Variants in MYO1D observed in about 807,000 individuals in gnomAD.
The protein encoded by MYO1D is myosin ID, also known as unconventional myosin-Id.
In MYO1D, 83 loss-of-function variants were observed where a neutral mutation model predicts 122.0. That is an observed-to-expected ratio of 0.68 (90% CI 0.57 to 0.82). The LOEUF (loss-of-function observed/expected upper bound fraction) is 0.82. Ranked by LOEUF, MYO1D falls within the 40% of genes least tolerant of loss-of-function variation. The probability of loss-of-function intolerance (pLI) is 0.00; values close to 1 mark genes in which losing one functional copy is unlikely to be tolerated. For missense variants in MYO1D, 1,157 were observed against 1,269.5 expected, an observed-to-expected ratio of 0.91 and a Z score of 1.35; for synonymous variants, 464 against 446.9, an observed-to-expected ratio of 1.04 and a Z score of -0.48.
At chr17:32,620,218 C>A (rs1206130993) in intron 20 of MYO1D, among the ~76,000 whole-genome samples, 1 of 152,166 alleles carries the variant, frequency 6.6e-6, no homozygotes, top group East Asian at 1.9e-4. Context: ...TACCCCTAGG[C>A]TGGCTCCCCA....
intron 1 of MYO1D, among the ~76,000 whole-genome samples, chr17:32,861,669 C>G (rs549660297): frequency 6.6e-6 from 1 of 152,186 alleles, no homozygotes; most frequent in African/African-American, 2.4e-5. Flanking sequence ...CCCACTCTGC[C>G]CAAAGACTCT....
At chr17:32,696,610 C>T (rs189679951) in intron 16 of MYO1D, among the ~76,000 whole-genome samples, 2 of 152,248 alleles carry the variant, frequency 1.3e-5, no homozygotes, top group Non-Finnish European at 1.5e-5. Context: ...TATTTATATA[C>T]CTGTTATAAA....
At chr17:32,705,780 AG>A (rs2150983213) in intron 16 of MYO1D, among the ~76,000 whole-genome samples, 1 of 152,278 alleles carries the variant, frequency 6.6e-6, no homozygotes, top group Admixed American at 6.5e-5. Flanking sequence ...ATGTTGTGGG[AG>A]GGACCCAAGT....
Position 32,494,741 on chromosome 17 carries a change from C to A in MYO1D, c.*18G>T, listed in dbSNP as rs181426574. 174 of 1,578,630 alleles carry A rather than the reference C, an allele frequency of 1.1e-4. No homozygotes were observed. The East Asian group carries it at 4.0e-3, about 36-fold the overall frequency. On this transcript the variant is annotated 3_prime_UTR_variant, in exon 22 of 22. Coordinates refer to ENST00000318217, the MANE Select transcript of MYO1D (RefSeq NM_015194.3). ...ACTCGGAGTGTGGCCGGGCTCCGGG[C>A]CAGGCCTCCGCGGGGCGTCAGTTCC...
chr17:32,835,444 TAC>T (rs2090813464), intron 1 of MYO1D, among the ~76,000 whole-genome samples: 1 of 152,212 alleles, frequency 6.6e-6, no homozygotes, highest in South Asian at 2.1e-4. Flanking sequence ...TATTTTCGGA[TAC>T]TCTATGCTTA....
intron 1 of MYO1D, among the ~76,000 whole-genome samples, chr17:32,831,050 C>T (rs776762548): frequency 2.6e-5 from 4 of 151,952 alleles, no homozygotes; most frequent in South Asian, 2.1e-4. Flanking sequence ...TGCAAGACTC[C>T]GTCTCGAATA....
At chr17:32,843,703 G>C (rs2090906724) in intron 1 of MYO1D, among the ~76,000 whole-genome samples, 1 of 152,178 alleles carries the variant, frequency 6.6e-6, no homozygotes, top group African/African-American at 2.4e-5. Flanking sequence ...CAGACAAGGT[G>C]TAAGATCTGT....
chr17:32,694,231 CTT>C (rs2089141938), intron 16 of MYO1D, among the ~76,000 whole-genome samples: 1 of 152,286 alleles, frequency 6.6e-6, no homozygotes, highest in South Asian at 2.1e-4. Flanking sequence ...GTTCAAAACA[CTT>C]TTATTTCCTC....
At chr17:32,619,167 T>C (rs1392934650) in intron 20 of MYO1D, among the ~76,000 whole-genome samples, 2 of 152,150 alleles carry the variant, frequency 1.3e-5, no homozygotes, top group East Asian at 1.9e-4. Context: ...AAGTTTTTAA[T>C]ACCAAGCCAT....
intron 19 of MYO1D, among the ~76,000 whole-genome samples, chr17:32,642,005 C>A (rs145335590): frequency 1.3e-5 from 2 of 152,204 alleles, no homozygotes; most frequent in African/African-American, 4.8e-5. Flanking sequence ...AAGTTCTTGC[C>A]CATGCCTATG....
At chr17:32,814,801 T>C (rs1360328906) in intron 1 of MYO1D, among the ~76,000 whole-genome samples, 2 of 152,228 alleles carry the variant, frequency 1.3e-5, no homozygotes, top group African/African-American at 4.8e-5. Context: ...TTATTACCCA[T>C]ACATTAGTCC....
Position 32,864,548 on chromosome 17 carries a change from GAAAAAAAAA to G in MYO1D, c.95+12221_95+12229del, listed in dbSNP as rs200717040. The stretch of plus-strand genomic sequence containing the variant: ...CTTCACATGTCTGAGTTCTACGAAT[GAAAAAAAAA>G]AAAAAAAAAAAAAAGGAGAGAAATG... On this transcript the variant is annotated intron_variant, in intron 1 of 21. Transcript: ENST00000318217. Among the ~76,000 whole-genome samples the G allele has an allele frequency of 2.5e-4, 18 of 73,014 alleles. No individual in the cohort carries two copies. The South Asian group carries it at 5.0e-3, about 20-fold the overall frequency. 47.9% of individuals were successfully genotyped at this position (73,014 alleles called of 152,430 possible).
At chr17:32,658,851 GCTTAT>G (rs1298833627) in intron 17 of MYO1D, 2 of 464,442 alleles carry the variant, frequency 4.3e-6, no homozygotes, top group South Asian at 5.6e-5. Flanking sequence ...CATGCTAGTA[GCTTAT>G]CTTAACTATG....
chr17:32,770,462 C>T (rs1028290517), intron 6 of MYO1D, among the ~76,000 whole-genome samples: 2 of 151,870 alleles, frequency 1.3e-5, no homozygotes, highest in Non-Finnish European at 2.9e-5. Context: ...CATTTATATA[C>T]CTTCCCTCCT....
At chr17:32,577,983 C>T (rs2087294657) in intron 21 of MYO1D, among the ~76,000 whole-genome samples, 1 of 152,184 alleles carries the variant, frequency 6.6e-6, no homozygotes, top group South Asian at 2.1e-4. Context: ...TCGTGATCCG[C>T]CCATCTCGGC....
At chr17:32,534,409 G>A (rs1910599213) in intron 21 of MYO1D, among the ~76,000 whole-genome samples, 4 of 152,172 alleles carry the variant, frequency 2.6e-5, no homozygotes, top group Admixed American at 2.6e-4. Context: ...CTGGCCTCAA[G>A]TGATTCTCCC....
intron 21 of MYO1D, among the ~76,000 whole-genome samples, chr17:32,525,457 T>G (rs1184901111): frequency 1.3e-5 from 2 of 152,216 alleles, no homozygotes; most frequent in African/African-American, 4.8e-5. Context: ...CTTGGGTTTT[T>G]TTTTTTTCAG....
At chr17:32,841,045 G>A (rs1475874791) in intron 1 of MYO1D, among the ~76,000 whole-genome samples, 2 of 152,172 alleles carry the variant, frequency 1.3e-5, no homozygotes, top group Non-Finnish European at 2.9e-5. Flanking sequence ...ACCAACTGTA[G>A]GCTAATGCAA....
chr17:32,842,006 A>G (rs1294372188), intron 1 of MYO1D, among the ~76,000 whole-genome samples: 1 of 152,220 alleles, frequency 6.6e-6, no homozygotes, highest in Non-Finnish European at 1.5e-5. Flanking sequence ...ATAAATTTGA[A>G]GATCTGAGTG....
Sources: allele counts gnomAD v4.1 joint callset (sites outside exome capture counted in the v4.1 genomes callset), GRCh38; gene constraint gnomAD v4.1.1; transcripts MANE v1.5; gene names NCBI Gene and HGNC (gene_info 2026-07-23, HGNC 2026-07-21).